The following ARPP21 variants were observed in gnomAD, a reference collection of about 807,000 sequenced individuals.
ARPP21 encodes cAMP regulated phosphoprotein 21, also known as cAMP-regulated phosphoprotein 21.
ARPP21 carries 69 observed loss-of-function variants against 113.2 expected under a neutral mutation model. That is an observed-to-expected ratio of 0.61 (90% confidence interval 0.50 to 0.74). The LOEUF is 0.74. Ranked by LOEUF, ARPP21 falls within the 30% of genes least tolerant of loss-of-function variation. The pLI, the probability that ARPP21 is intolerant of heterozygous loss-of-function variation, is 0.00. For synonymous variants in ARPP21, 368 were observed against 375.5 expected (o/e 0.98, Z 0.23); for missense variants, 1,070 against 1,037.4 (o/e 1.03, Z -0.43).
chr3:35,699,770 G>A (rs1447335599), intron 9 of ARPP21, among the ~76,000 whole-genome samples: 2 of 151,704 alleles, frequency 1.3e-5, no homozygotes, highest in Non-Finnish European at 2.9e-5. Context: ...TACTGTATTT[G>A]CATATGGGCT....
intron 5 of ARPP21, chr3:35,684,154 G>A: frequency 7.1e-7 from 1 of 1,414,878 alleles, no homozygotes; most frequent in Non-Finnish European, 9.3e-7. Context: ...ATAATCCCAA[G>A]TATCCTCTCT....
At chr3:35,770,258 C>T (rs1340722966) in intron 19 of ARPP21, among the ~76,000 whole-genome samples, 1 of 151,912 alleles carries the variant, frequency 6.6e-6, no homozygotes, top group Non-Finnish European at 1.5e-5. Flanking sequence ...AAAATTCCTC[C>T]TTTTATTCAT....
At chr3:35,747,313 C>A (rs1229769059) in intron 19 of ARPP21, among the ~76,000 whole-genome samples, 1 of 146,202 alleles carries the variant, frequency 6.8e-6, no homozygotes, top group Admixed American at 6.9e-5. Flanking sequence ...CGAGATTGCA[C>A]CATTGCACTC....
At chr3:35,703,763 C>T (rs946808145) in intron 9 of ARPP21, among the ~76,000 whole-genome samples, 4 of 151,840 alleles carry the variant, frequency 2.6e-5, no homozygotes, top group South Asian at 2.1e-4. Flanking sequence ...CATCCAATTA[C>T]ATTCACATAT....
At chr3:35,713,407 T>C (rs1032788088) in intron 11 of ARPP21, among the ~76,000 whole-genome samples, 2 of 152,070 alleles carry the variant, frequency 1.3e-5, no homozygotes, top group Non-Finnish European at 2.9e-5. Flanking sequence ...GTATTTTTTT[T>C]TTATTTTTTT....
chr3:35,745,243 G>A (rs144166576), intron 19 of ARPP21, among the ~76,000 whole-genome samples: 6 of 152,218 alleles, frequency 3.9e-5, no homozygotes, highest in African/African-American at 1.2e-4. Context: ...TGTGGAAAAC[G>A]TTATTACCTT....
chr3:35,698,628 A>G (rs2085007515), intron 9 of ARPP21, among the ~76,000 whole-genome samples: 1 of 151,626 alleles, frequency 6.6e-6, no homozygotes, highest in African/African-American at 2.4e-5. Context: ...ATTCAGTACT[A>G]CTGTCACTCA....
At chr3:35,710,542 AACACACACACACAC>A (rs3086903) in intron 11 of ARPP21, among the ~76,000 whole-genome samples, 18 of 132,862 alleles carry the variant, frequency 1.4e-4, no homozygotes, top group African/African-American at 3.7e-4. Context: ...CTCTCTCTCA[AACACACACACACAC>A]ACACACACAC....
chr3:35,644,629 C>A (rs1319712758), intron 1 of ARPP21, among the ~76,000 whole-genome samples: 1 of 151,516 alleles, frequency 6.6e-6, no homozygotes, highest in African/African-American at 2.4e-5. Flanking sequence ...ATGCAGCAAA[C>A]CAAAAAAGTG....
At chr3:35,708,462 G>A (rs933083593) in intron 10 of ARPP21, among the ~76,000 whole-genome samples, 1 of 152,226 alleles carries the variant, frequency 6.6e-6, no homozygotes. Flanking sequence ...AGAAGATGAA[G>A]AAATAATGTC....
At chr3:35,735,289 T>C (rs570252964) in intron 15 of ARPP21, among the ~76,000 whole-genome samples, 1 of 152,024 alleles carries the variant, frequency 6.6e-6, no homozygotes, top group South Asian at 2.1e-4. Flanking sequence ...TTTTTTGTAT[T>C]TTTTTTAGAG....
At chr3:35,740,721 TTAA>T (rs2094601212) in intron 18 of ARPP21, among the ~76,000 whole-genome samples, 1 of 152,214 alleles carries the variant, frequency 6.6e-6, no homozygotes, top group Non-Finnish European at 1.5e-5. Flanking sequence ...TAAAAAGCGT[TTAA>T]GTGTCCTTAC....
intron 19 of ARPP21, among the ~76,000 whole-genome samples, chr3:35,749,360 G>C (rs1294473947): frequency 7.1e-6 from 1 of 141,372 alleles, no homozygotes; most frequent in Non-Finnish European, 1.5e-5. Flanking sequence ...AATTTCCTAT[G>C]AAGTTTGACT....
chr3:35,654,486 T>C (rs1414472970), intron 1 of ARPP21, among the ~76,000 whole-genome samples: 3 of 152,076 alleles, frequency 2.0e-5, no homozygotes, highest in Non-Finnish European at 2.9e-5. Context: ...GAGCATGAAA[T>C]TATCCTTTCT....
rs191937690 is a variant in ARPP21, at chr3:35,706,940, A to T, written c.687-34A>T. On this transcript the variant is annotated intron_variant, in intron 9 of 20. Coordinates refer to ENST00000684406, the MANE Select transcript of ARPP21 (RefSeq NM_001385562.1). ...AAATAACTTTAAACAAGGGGGAAAAACTTTTTTATTGATATGTTTTACTTT... is the reference window on the plus strand; with the variant it reads ...AAATAACTTTAAACAAGGGGGAAAATCTTTTTTATTGATATGTTTTACTTT... 1.1e-4 allele frequency: 177 copies of T among 1,543,250 alleles called. No homozygotes were observed. The African/African-American group carries it at 2.0e-3, about 17-fold the overall frequency.
chr3:35,775,008 G>A (rs906722004), intron 19 of ARPP21: 1 of 152,112 alleles, frequency 6.6e-6, no homozygotes, highest in African/African-American at 2.4e-5. Context: ...AGTTTCTGCT[G>A]TTAAAGATAG....
At chr3:35,737,051 G>A (rs1001979088) in intron 15 of ARPP21, 127 bp from the exon 16 acceptor site, 1 of 604,580 alleles carries the variant, frequency 1.7e-6, no homozygotes, top group Non-Finnish European at 3.0e-6. Flanking sequence ...GAAGGTTTTG[G>A]GGTCTTAGAT....
chr3:35,682,559 T>TA (rs961057972), intron 3 of ARPP21: 31 of 340,898 alleles, frequency 9.1e-5, no homozygotes, highest in African/African-American at 6.4e-4. Flanking sequence ...CAAAGGCAGA[T>TA]AACTGCATGA....
At chr3:35,665,037 C>G (rs1049842529) in intron 1 of ARPP21, among the ~76,000 whole-genome samples, 1 of 152,166 alleles carries the variant, frequency 6.6e-6, no homozygotes, top group Non-Finnish European at 1.5e-5. Context: ...AAACTTTTCG[C>G]TCCTTTGGAG....
Sources: allele counts gnomAD v4.1 joint callset (sites outside exome capture counted in the v4.1 genomes callset), GRCh38; gene constraint gnomAD v4.1.1; transcripts MANE v1.5; gene names NCBI Gene and HGNC (gene_info 2026-07-23, HGNC 2026-07-21).